The following LINGO2 variants were observed in gnomAD, a reference collection of about 807,000 sequenced individuals.
LINGO2 encodes leucine rich repeat and Ig domain containing 2.
A neutral mutation model predicts 30.6 loss-of-function variants in LINGO2; 14 were observed. The observed-to-expected ratio is 0.46, with a 90% CI of 0.30 to 0.72. LINGO2 has a LOEUF of 0.72. Among genes scored for constraint, LINGO2 ranks in the 30% least tolerant of loss-of-function variants. The pLI is 0.07. For synonymous variants in LINGO2, 317 were observed against 288.5 expected (o/e 1.10, Z -1.00); for missense variants, 729 against 751.7 (o/e 0.97, Z 0.35).
intron 1 of LINGO2, among the ~76,000 whole-genome samples, chr9:28,529,362 G>A (rs1197283984): frequency 6.6e-6 from 1 of 151,980 alleles, no homozygotes; most frequent in African/African-American, 2.4e-5. Context: ...TGATTAAATG[G>A]TTTTGCATTT....
chr9:29,145,061 A>G, the LINGO2 span, among the ~76,000 whole-genome samples: 7 of 152,282 alleles, frequency 4.6e-5, no homozygotes, highest in African/African-American at 7.2e-5. Flanking sequence ...CCTATGTCAG[A>G]ATAGCTTGTT....
At chr9:29,213,294 C>T in the LINGO2 span, among the ~76,000 whole-genome samples, 5 of 152,154 alleles carry the variant, frequency 3.3e-5, no homozygotes, top group South Asian at 2.1e-4. Context: ...AATGCCCCTC[C>T]CCCCTTTCTC....
the LINGO2 span, among the ~76,000 whole-genome samples, chr9:28,683,866 T>C: frequency 1.5e-4 from 23 of 152,272 alleles, no homozygotes; most frequent in African/African-American, 5.5e-4. Context: ...TAGATATTAA[T>C]GTATTTCCTT....
intron 4 of LINGO2, among the ~76,000 whole-genome samples, chr9:28,071,317 G>A (rs1825469327): frequency 6.6e-6 from 1 of 152,076 alleles, no homozygotes; most frequent in Non-Finnish European, 1.5e-5. Context: ...CATGTAACAC[G>A]ATATGGAGTA....
At chr9:28,348,406 G>A (rs988977076) in intron 3 of LINGO2, among the ~76,000 whole-genome samples, 15 of 152,208 alleles carry the variant, frequency 9.9e-5, no homozygotes, top group African/African-American at 3.4e-4. Context: ...CTGGAAAATC[G>A]GGTCACTCCC....
At chr9:28,694,727 G>T in the LINGO2 span, among the ~76,000 whole-genome samples, 1 of 152,084 alleles carries the variant, frequency 6.6e-6, no homozygotes, top group African/African-American at 2.4e-5. Flanking sequence ...AGCTGTAAAG[G>T]CCATGCTGTT....
chr9:28,349,756 C>A (rs1404243080), intron 3 of LINGO2, among the ~76,000 whole-genome samples: 1 of 150,124 alleles, frequency 6.7e-6, no homozygotes, highest in Non-Finnish European at 1.5e-5. Flanking sequence ...AGAGAAAGGT[C>A]GGGTTACCCT....
the LINGO2 span, among the ~76,000 whole-genome samples, chr9:28,869,038 A>G: frequency 1.3e-5 from 2 of 152,158 alleles, no homozygotes; most frequent in Non-Finnish European, 2.9e-5. Context: ...ATAAAAATAA[A>G]TGATATACTT....
chr9:28,303,544 T>C (rs186686500), intron 3 of LINGO2, among the ~76,000 whole-genome samples: 10 of 152,256 alleles, frequency 6.6e-5, no homozygotes, highest in Non-Finnish European at 1.5e-4. Context: ...CCCCCAAAAC[T>C]TAACTACTAG....
At chr9:28,423,849 G>A (rs1385982592) in intron 2 of LINGO2, among the ~76,000 whole-genome samples, 3 of 152,084 alleles carry the variant, frequency 2.0e-5, no homozygotes, top group African/African-American at 7.2e-5. Flanking sequence ...CAGAGAAATA[G>A]AATGATGGAG....
At chr9:28,830,784 T>C in the LINGO2 span, among the ~76,000 whole-genome samples, 1 of 150,146 alleles carries the variant, frequency 6.7e-6, no homozygotes, top group East Asian at 1.9e-4. Context: ...GTGTACATGC[T>C]CATACACACA....
intron 4 of LINGO2, among the ~76,000 whole-genome samples, chr9:28,185,762 G>T (rs943851966): frequency 2.0e-5 from 3 of 152,098 alleles, no homozygotes; most frequent in Admixed American, 1.3e-4. Context: ...CCAGGAGAAT[G>T]ATATGGAAAA....
the LINGO2 span, among the ~76,000 whole-genome samples, chr9:29,185,219 G>C: frequency 2.0e-5 from 3 of 152,066 alleles, no homozygotes; most frequent in African/African-American, 7.2e-5. Context: ...ATCCAAAAGA[G>C]AGTACAGAAC....
the LINGO2 span, among the ~76,000 whole-genome samples, chr9:29,020,341 AT>A: frequency 1.3e-5 from 2 of 152,170 alleles, no homozygotes; most frequent in African/African-American, 4.8e-5. Context: ...TAGGGCAGTT[AT>A]TTTTTTTATC....
chr9:29,180,376 T>C, the LINGO2 span, among the ~76,000 whole-genome samples: 3 of 152,324 alleles, frequency 2.0e-5, no homozygotes, highest in African/African-American at 4.8e-5. Context: ...GAGGCAAATA[T>C]ATTTTCAAGC....
chr9:28,108,132 G>A (rs899820432), intron 4 of LINGO2, among the ~76,000 whole-genome samples: 1 of 152,146 alleles, frequency 6.6e-6, no homozygotes, highest in Non-Finnish European at 1.5e-5. Flanking sequence ...CCCTGAATGA[G>A]TCTTGCCTTT....
chr9:28,555,557 C>T, intron 1 of LINGO2, among the ~76,000 whole-genome samples: 1 of 152,056 alleles, frequency 6.6e-6, no homozygotes, highest in East Asian at 1.9e-4. Flanking sequence ...CAGCCGACTT[C>T]TACCAGAGGT....
chr9:28,686,916 C>T, the LINGO2 span, among the ~76,000 whole-genome samples: 1 of 151,948 alleles, frequency 6.6e-6, no homozygotes, highest in Non-Finnish European at 1.5e-5. Context: ...GAAAAAGACG[C>T]CTTTAAAAGA....
chr9:28,605,720 T>C lies in LINGO2; in HGVS notation c.-365+64480A>G, dbSNP rs528431125. Among the ~76,000 whole-genome samples the C allele has an allele frequency of 7.5e-4, 114 of 152,148 alleles. No individual in the cohort carries two copies. The Middle Eastern group carries it at 0.01, about 14-fold the overall frequency. On this transcript the variant is annotated intron_variant, in intron 1 of 5. Coordinates refer to ENST00000379992, the Ensembl canonical transcript of LINGO2. ...TCAGGAATGTCTCCATCAGGACTGC[T>C]CAGGGGTGTGCAAACTGCAGCTTGT...
Sources: gnomAD v4.1 joint callset for allele counts (sites outside exome capture counted in the v4.1 genomes callset) on GRCh38, gnomAD v4.1.1 for gene constraint, MANE v1.5 for transcripts, NCBI Gene and HGNC (gene_info 2026-07-23, HGNC 2026-07-21) for gene names.